The following PRG4 variants were observed in gnomAD, a reference collection of about 807,000 sequenced individuals.
PRG4 encodes proteoglycan 4.
A neutral mutation model predicts 91.2 loss-of-function variants in PRG4; 61 were observed. The observed-to-expected ratio is 0.67, with a 90% confidence interval of 0.54 to 0.83. PRG4 has a LOEUF of 0.83. Among genes scored for constraint, PRG4 ranks in the 40% least tolerant of loss-of-function variants. The pLI is 0.00. For synonymous variants in PRG4, 576 were observed against 614.2 expected (o/e 0.94, Z 0.92); for missense variants, 1,564 against 1,714.2 (o/e 0.91, Z 1.55).
chr1:186,313,162 T>C (rs1657412953), intron 12 of PRG4: 2 of 475,212 alleles, frequency 4.2e-6, no homozygotes, highest in Admixed American at 3.4e-5. Context: ...AGTATTTTAC[T>C]TCTATCATTT....
Position 186,308,733 on chromosome 1 carries a change from CT to C in PRG4, c.3015del (p.Lys1006AsnfsTer38), listed in dbSNP as rs1656940518. On this transcript the variant is annotated frameshift_variant, in exon 7 of 13. Coordinates refer to ENST00000445192, the MANE Select transcript of PRG4 (RefSeq NM_005807.6). LOFTEE classifies it high-confidence loss of function. ...TEIMNKPEET[A>X]KPKDRATNSK... The stretch of plus-strand genomic sequence containing the variant: ...ATTATGAACAAACCTGAAGAAACAG[CT>C]AAACCAAAAGACAGAGCTACTAATT... 4.3e-6 allele frequency: 7 copies of C among 1,613,700 alleles called. No homozygotes were observed. Among genetic ancestry groups the C allele is most frequent in the Non-Finnish European group, 5.1e-6 (6 of 1,180,002 alleles).
In PRG4 at chr1:186,311,455, C is replaced by T. The variant is rs768945969; in HGVS notation, c.3652C>T (p.Arg1218Cys). 7.4e-6 allele frequency: 12 copies of T among 1,613,230 alleles called. No homozygotes were observed. Among genetic ancestry groups the T allele is most frequent in the East Asian group, 4.5e-5 (2 of 44,840 alleles). Reference protein sequence around the residue: ...TFFFKDSQYWRFTNDIKDAGY... With the variant: ...TFFFKDSQYWCFTNDIKDAGY... ...AAATTATCAGGATTCTCAGTACTGG[C>T]GTTTTACCAATGATATAAAAGATGC... is the stretch of plus-strand genomic sequence containing the variant. Residue 1218 changes from arginine to cysteine, a missense_variant, in exon 10 of 13, where the codon CGT (arginine) becomes TGT (cysteine). By Grantham distance (180) the Arg-to-Cys change is radical (BLOSUM62 -3). This residue lies in a region of PRG4 where 1,079 missense variants were observed against 1,162.2 expected (regional missense o/e 0.93). Coordinates refer to ENST00000445192, the MANE Select transcript of PRG4 (RefSeq NM_005807.6).
Position 186,308,960 on chromosome 1 carries a change from C to G in PRG4, c.3241C>G (p.Gln1081Glu). 3 of 1,606,724 alleles carry G rather than the reference C, an allele frequency of 1.9e-6. No individual in the cohort carries two copies. Among genetic ancestry groups the G allele is most frequent in the Non-Finnish European group, 2.5e-6 (3 of 1,176,636 alleles). Reference sequence around the variant, plus strand: ...GCTCCAAACCACCACCAGACCTAACCAAACTCCAAACTCCAAACTAGTTGA... The same window carrying G: ...GCTCCAAACCACCACCAGACCTAACGAAACTCCAAACTCCAAACTAGTTGA... ...AMLQTTTRPN[Q>E]TPNSKLVEVN... The change falls in exon 7 of 13, where the codon CAA (glutamine) becomes GAA (glutamate). Residue 1081 changes from glutamine to glutamate, a missense_variant. This residue lies in a region of PRG4 where 1,079 missense variants were observed against 1,162.2 expected (regional missense o/e 0.93). Coordinates refer to ENST00000445192, the MANE Select transcript of PRG4 (RefSeq NM_005807.6).
chr1:186,311,257 ATG>A (rs1175712910), intron 9 of PRG4, 87 bp downstream of exon 9: 1 of 1,456,464 alleles, frequency 6.9e-7, no homozygotes, highest in African/African-American at 1.4e-5. Flanking sequence ...AACCTCCAAT[ATG>A]TGTCCTTTTA....
chr1:186,303,293 TAGG>T (rs1166493184), intron 4 of PRG4, among the ~76,000 whole-genome samples: 1 of 151,968 alleles, frequency 6.6e-6, no homozygotes, highest in Non-Finnish European at 1.5e-5. Flanking sequence ...TTTTGCTGGG[TAGG>T]AGGAGAAACA....
At chr1:186,300,311 C>T (rs766400119) in intron 3 of PRG4, 98 bp downstream of exon 3, 94 of 1,507,762 alleles carry the variant, frequency 6.2e-5, no homozygotes, top group Non-Finnish European at 8.2e-5. Flanking sequence ...CTGAGCCTCC[C>T]CTTGCACCCA....
chr1:186,307,513 G>A lies in PRG4; in HGVS notation c.1794G>A (p.Lys598=). 1 of 1,540,692 alleles carries A rather than the reference G, an allele frequency of 6.5e-7. No individual in the cohort carries two copies. The highest frequency in any genetic ancestry group is 8.8e-7 in the Non-Finnish European group (1 of 1,137,028). Residue 598 remains lysine, a synonymous_variant, in exon 7 of 13, where the codon AAG becomes AAA. Coordinates refer to ENST00000445192, the MANE Select transcript of PRG4 (RefSeq NM_005807.6). ...TPKEPAPTTT[K]KPAPTTPKEP... ...AGGAACCTGCACCCACCACCACCAA[G>A]AAGCCTGCACCCACCACTCCCAAAG...
chr1:186,311,636 A>T, intron 10 of PRG4, 40 bp downstream of exon 10: 1 of 1,566,398 alleles, frequency 6.4e-7, no homozygotes, highest in Non-Finnish European at 8.8e-7. Flanking sequence ...AAACTTTTAA[A>T]GAATTACACT....
chr1:186,300,607 T>C (rs148612347), intron 3 of PRG4, among the ~76,000 whole-genome samples: 266 of 152,358 alleles, frequency 1.7e-3, no homozygotes, highest in African/African-American at 6.2e-3. Context: ...ATGAGGACTT[T>C]CAATAGTTTC....
Position 186,308,893 on chromosome 1 carries a change from A to G in PRG4, c.3174A>G (p.Thr1058=). The change falls in exon 7 of 13, where the codon ACA becomes ACG. Residue 1058 remains threonine (T), a synonymous_variant. Transcript: ENST00000445192. ...CAACTCCCCGCAAGATGACATCAAC[A>G]ATGCCAGAATTGAACCCTACCTCAA... The part of the protein sequence containing the change: ...TTPTPRKMTS[T]MPELNPTSRI... The G allele has an allele frequency of 9.9e-6, 16 of 1,613,708 alleles. 1 individual carries two copies. Among genetic ancestry groups the G allele is most frequent in the Non-Finnish European group, 1.3e-5 (15 of 1,179,890 alleles).
In PRG4 at chr1:186,308,232, C is replaced by T. The variant is rs777305605; in HGVS notation, c.2513C>T (p.Thr838Ile). The T allele has an allele frequency of 5.0e-6, 8 of 1,613,882 alleles. No individual in the cohort carries two copies. In the East Asian group the frequency reaches 1.8e-4, roughly 36 times the overall value. ...ACCCCCAAGGAGCCTGCACCCACTACCCCCAAGAAGCCTGCTCCAACTACT... is the reference window on the plus strand; with the variant it reads ...ACCCCCAAGGAGCCTGCACCCACTATCCCCAAGAAGCCTGCTCCAACTACT... ...PTTPKEPAPT[T>I]PKKPAPTTPE... The change falls in exon 7 of 13, where the codon ACC (threonine) becomes ATC (isoleucine). Residue 838 changes from threonine (T) to isoleucine (I), a missense_variant. Transcript: ENST00000445192.
chr1:186,314,031 A>T lies in PRG4; in HGVS notation c.*253A>T. The T allele has an allele frequency of 6.2e-7, 1 of 1,608,332 alleles. No homozygotes were observed. Among genetic ancestry groups the T allele is most frequent in the Non-Finnish European group, 8.5e-7 (1 of 1,178,446 alleles). On this transcript the variant is annotated 3_prime_UTR_variant, in exon 13 of 13. Transcript: ENST00000445192. ...CTCCCATTGCATGGCTCACACCTGT[A>T]AAAGAAAAAAGAATCAAATTGAATA...
chr1:186,313,082 A>G, intron 12 of PRG4, 188 bp downstream of exon 12: 1 of 617,998 alleles, frequency 1.6e-6, no homozygotes, highest in African/African-American at 1.8e-5. Flanking sequence ...ACTGCAATTC[A>G]ATTCTGCTCT....
At chr1:186,301,302 T>C (rs1656201166) in intron 3 of PRG4, among the ~76,000 whole-genome samples, 1 of 152,120 alleles carries the variant, frequency 6.6e-6, no homozygotes, top group Non-Finnish European at 1.5e-5. Flanking sequence ...CATTTCCCGA[T>C]TTTTCTTTGT....
chr1:186,310,982 G>C, intron 8 of PRG4, 52 bp from the exon 9 acceptor site: 1 of 1,605,010 alleles, frequency 6.2e-7, no homozygotes, highest in Non-Finnish European at 8.5e-7. Context: ...GGTTTCTTTT[G>C]TGATAGGTTT....
At chr1:186,301,496 G>C in intron 3 of PRG4, 96 bp from the exon 4 acceptor site, 1 of 1,556,716 alleles carries the variant, frequency 6.4e-7, no homozygotes, top group Non-Finnish European at 8.8e-7. Flanking sequence ...TGAACTTTTG[G>C]AAACCTAGTC....
Position 186,313,884 on chromosome 1 carries a change from T to C in PRG4, c.*106T>C. On this transcript the variant is annotated 3_prime_UTR_variant, in exon 13 of 13. Transcript: ENST00000445192. ...ATATTGACATGAGTATACCAGTTTA[T>C]ATATAAAAATGTTTTTAAACTTGAC... 5 of 1,486,874 alleles carry C rather than the reference T, an allele frequency of 3.4e-6. No individual in the cohort carries two copies. The highest frequency in any genetic ancestry group is 4.7e-6 in the Non-Finnish European group (5 of 1,066,578). The allele number at this position is 1,486,874 out of a possible 1,614,324, so 92.1% of individuals were successfully genotyped here.
At chr1:186,306,284 T>C in intron 6 of PRG4, 34 bp from the exon 7 acceptor site, 1 of 1,492,594 alleles carries the variant, frequency 6.7e-7, no homozygotes, top group South Asian at 1.2e-5. Context: ...AAAAAAAATA[T>C]TCTAAAATAA....
At chr1:186,310,934 C>A in intron 8 of PRG4, 100 bp from the exon 9 acceptor site, 2 of 1,305,220 alleles carry the variant, frequency 1.5e-6, no homozygotes, top group South Asian at 2.5e-5. Flanking sequence ...AACTTCCAGT[C>A]ATACAATGCA....
Sources: gnomAD v4.1 joint callset for allele counts (sites outside exome capture counted in the v4.1 genomes callset) on GRCh38, gnomAD v4.1.1 for gene constraint, gnomAD v4.1.1 regional missense constraint, MANE v1.5 for transcripts, NCBI Gene and HGNC (gene_info 2026-07-23, HGNC 2026-07-21) for gene names.